CLCN3: variants seen among roughly 807,000 people sequenced by gnomAD.
CLCN3 encodes H(+)/Cl(-) exchange transporter 3.
In CLCN3, 16 loss-of-function variants were observed where a neutral mutation model predicts 83.4. The ratio of observed to expected loss-of-function variants is 0.19; its 90% CI spans 0.13 to 0.29. The LOEUF (loss-of-function observed/expected upper bound fraction) is 0.29. CLCN3 is among the 10% of genes least tolerant of loss of function. The probability of loss-of-function intolerance (pLI) is 1.00; values close to 1 mark genes in which losing one functional copy is unlikely to be tolerated. For synonymous variants in CLCN3, 322 were observed against 346.2 expected, an observed-to-expected ratio of 0.93 and a Z score of 0.78; for missense variants, 544 against 1,006.0, an observed-to-expected ratio of 0.54 and a Z score of 6.21.
At chr4:169,683,787 A>C (rs945571858) in intron 3 of CLCN3, among the ~76,000 whole-genome samples, 1 of 149,152 alleles carries the variant, frequency 6.7e-6, no homozygotes, top group Non-Finnish European at 1.5e-5. Flanking sequence ...TCTTTTGCCC[A>C]GGCTGAAGTT....
chr4:169,636,886 C>G (rs116115867), intron 2 of CLCN3, among the ~76,000 whole-genome samples: 130 of 151,890 alleles, frequency 8.6e-4, no homozygotes, highest in African/African-American at 3.0e-3. Context: ...TATATCTCAG[C>G]ATTATCAGAT....
At chr4:169,693,256 G>A (rs1281541785) in intron 7 of CLCN3, among the ~76,000 whole-genome samples, 3 of 152,138 alleles carry the variant, frequency 2.0e-5, no homozygotes, top group Non-Finnish European at 4.4e-5. Context: ...TGCATTGGAC[G>A]TAGATATCCC....
chr4:169,688,020 A>G (rs901985001), intron 4 of CLCN3, among the ~76,000 whole-genome samples: 1 of 152,222 alleles, frequency 6.6e-6, no homozygotes, highest in African/African-American at 2.4e-5. Context: ...TTTGGATCAG[A>G]TGATCAATAA....
rs754228001 is a variant in CLCN3, at chr4:169,706,850, G to A, written c.1751-18G>A. Reference sequence around the variant, plus strand: ...AGGATCCTGTCCTTCCTGACCAGTGGGTGCTTACTTTTTTCAGGTGGTGTG... The same window carrying A: ...AGGATCCTGTCCTTCCTGACCAGTGAGTGCTTACTTTTTTCAGGTGGTGTG... On this transcript the variant is annotated intron_variant, in intron 10 of 12. Transcript: ENST00000513761. 1.2e-5 allele frequency: 19 copies of A among 1,599,984 alleles called. No individual in the cohort carries two copies. The highest frequency in any genetic ancestry group is 1.1e-4 in the East Asian group (5 of 44,620).
At chr4:169,651,886 T>C (rs1730741495) in intron 2 of CLCN3, among the ~76,000 whole-genome samples, 1 of 152,138 alleles carries the variant, frequency 6.6e-6, no homozygotes, top group Non-Finnish European at 1.5e-5. Context: ...CACATTGAAG[T>C]CAGTTTAGAT....
chr4:169,660,501 TGGGC>T, intron 2 of CLCN3: 1 of 1,229,030 alleles, frequency 8.1e-7, no homozygotes, highest in Non-Finnish European at 1.0e-6. Context: ...TGCATGCGGC[TGGGC>T]GGTCCTCTAG....
intron 2 of CLCN3, among the ~76,000 whole-genome samples, chr4:169,644,522 G>T (rs1397594098): frequency 6.6e-6 from 1 of 152,092 alleles, no homozygotes; most frequent in Non-Finnish European, 1.5e-5. Flanking sequence ...GATTACAGGC[G>T]TGAGCCACCG....
At chr4:169,645,369 A>G (rs1000786844) in intron 2 of CLCN3, among the ~76,000 whole-genome samples, 35 of 152,194 alleles carry the variant, frequency 2.3e-4, no homozygotes, top group African/African-American at 8.0e-4. Flanking sequence ...CACACACAGA[A>G]AAAACATTGG....
chr4:169,636,142 T>C (rs953023379), intron 2 of CLCN3, 54 bp downstream of exon 2: 1 of 1,438,382 alleles, frequency 7.0e-7, no homozygotes, highest in Non-Finnish European at 9.5e-7. Context: ...CACTAATAAA[T>C]ATGTACACTA....
chr4:169,684,035 G>A (rs966841622), intron 3 of CLCN3, among the ~76,000 whole-genome samples: 8 of 152,186 alleles, frequency 5.3e-5, no homozygotes, highest in African/African-American at 7.2e-5. Flanking sequence ...GAGCCACTGC[G>A]CCCGGCCTAC....
chr4:169,687,926 C>T lies in CLCN3; in HGVS notation c.418+169C>T, dbSNP rs371366044. Among the ~76,000 whole-genome samples the T allele has an allele frequency of 4.6e-5, 7 of 152,310 alleles. No homozygotes were observed. In the East Asian group the frequency reaches 7.7e-4, roughly 17 times the overall value. On this transcript the variant is annotated intron_variant, in intron 4 of 12. Transcript: ENST00000513761. The stretch of plus-strand genomic sequence containing the variant: ...GACTAGGAGGCAGAGGCTTCCAAGT[C>T]TAGTCTTGGCTCTATCACTTTACGT...
intron 2 of CLCN3, among the ~76,000 whole-genome samples, chr4:169,650,606 A>G (rs533446569): frequency 2.6e-5 from 4 of 152,352 alleles, no homozygotes; most frequent in South Asian, 4.1e-4. Flanking sequence ...TGAAGTTAAC[A>G]TATCACTGCT....
intron 2 of CLCN3, among the ~76,000 whole-genome samples, chr4:169,673,064 A>G (rs1731539957): frequency 6.6e-6 from 1 of 152,238 alleles, no homozygotes; most frequent in Non-Finnish European, 1.5e-5. Flanking sequence ...GTTAGAAAAC[A>G]TAATACCTTT....
At chr4:169,623,291 G>A (rs1773152007) in intron 1 of CLCN3, among the ~76,000 whole-genome samples, 1 of 152,116 alleles carries the variant, frequency 6.6e-6, no homozygotes, top group Non-Finnish European at 1.5e-5. Context: ...ATATTTGTAT[G>A]TGTGTTTATT....
intron 2 of CLCN3, among the ~76,000 whole-genome samples, chr4:169,674,948 C>T (rs1215340743): frequency 3.3e-5 from 5 of 152,128 alleles, no homozygotes; most frequent in Non-Finnish European, 5.9e-5. Flanking sequence ...TGCCATGTTG[C>T]CCAGGCTGGT....
In CLCN3 at chr4:169,638,135, G is replaced by T. The variant is rs190167302; in HGVS notation, c.160+2047G>T. Reference sequence around the variant, plus strand: ...TGTTCTTTCCTCTCCCCTTATTTCTGTTACCTTCAAAACCTTGTTATATGT... The same window carrying T: ...TGTTCTTTCCTCTCCCCTTATTTCTTTTACCTTCAAAACCTTGTTATATGT... On this transcript the variant is annotated intron_variant, in intron 2 of 12. Coordinates refer to ENST00000513761, the MANE Select transcript of CLCN3 (RefSeq NM_001829.4). Among the ~76,000 whole-genome samples the T allele has an allele frequency of 1.8e-3, 280 of 151,900 alleles. 2 individuals are homozygous for T. The highest frequency in any genetic ancestry group is 6.6e-3 in the African/African-American group (273 of 41,426).
intron 1 of CLCN3, among the ~76,000 whole-genome samples, chr4:169,631,350 A>C (rs1773364322): frequency 6.6e-6 from 1 of 152,060 alleles, no homozygotes; most frequent in Non-Finnish European, 1.5e-5. Flanking sequence ...GCAGTGGCGC[A>C]ATCTCGGCTC....
chr4:169,636,831 G>A (rs1773516871), intron 2 of CLCN3, among the ~76,000 whole-genome samples: 1 of 146,126 alleles, frequency 6.8e-6, no homozygotes, highest in African/African-American at 2.5e-5. Flanking sequence ...ACACAGTTCT[G>A]TATGATTTAT....
chr4:169,624,201 T>C (rs889235687), intron 1 of CLCN3, among the ~76,000 whole-genome samples: 3 of 152,164 alleles, frequency 2.0e-5, no homozygotes, highest in Non-Finnish European at 2.9e-5. Context: ...TGGTGCAATC[T>C]CTGCTCACTG....
Sources: allele counts gnomAD v4.1 joint callset (sites outside exome capture counted in the v4.1 genomes callset), GRCh38; gene constraint gnomAD v4.1.1; transcripts MANE v1.5; gene names NCBI Gene and HGNC (gene_info 2026-07-23, HGNC 2026-07-21).